Variants in ZNF618 observed in about 807,000 individuals in gnomAD.
The protein encoded by ZNF618 is zinc finger protein 618.
Under a neutral mutation model 103.0 loss-of-function variants are expected in ZNF618, and 34 were observed. The observed-to-expected ratio is 0.33, with a 90% confidence interval of 0.25 to 0.44. The LOEUF (loss-of-function observed/expected upper bound fraction) is 0.44. ZNF618 is among the 20% of genes least tolerant of loss of function. The probability of loss-of-function intolerance (pLI) is 1.00; values close to 1 mark genes in which losing one functional copy is unlikely to be tolerated. For missense variants in ZNF618, 1,059 were observed against 1,295.4 expected (o/e 0.82, Z 2.80); for synonymous variants, 551 against 542.2 (o/e 1.02, Z -0.23).
rs1846201804 is a variant in ZNF618 at position 114,052,564 on chromosome 9, A to G, written c.*2397A>G. 2 of 152,246 alleles carry G rather than the reference A, an allele frequency of 1.3e-5. No homozygotes were observed. The highest frequency in any genetic ancestry group is 2.1e-4 in the South Asian group (1 of 4,832). The allele number at this position is 152,246 out of a possible 1,614,324, so 9.4% of individuals were successfully genotyped here. A position where few individuals can be genotyped will look rare whatever the true frequency, so the allele number is the denominator to read the frequency against. On this transcript the variant is annotated 3_prime_UTR_variant, in exon 15 of 15. Transcript: ENST00000374126. ...AGGCATTCTGGAAGGTGGCCTCAGC[A>G]TCACTGATGATTGACAGATGCTACA...
rs2134770161 is a variant in ZNF618, at chr9:114,053,709, C to T, written c.*3542C>T. On this transcript the variant is annotated 3_prime_UTR_variant, in exon 15 of 15. Transcript: ENST00000374126. Reference sequence around the variant, plus strand: ...TACCATCTGGGCCACGGGTGGATGCCTTTGTTCTGGCACAGTTCTCCACTT... The same window carrying T: ...TACCATCTGGGCCACGGGTGGATGCTTTTGTTCTGGCACAGTTCTCCACTT... The T allele has an allele frequency of 3.9e-5, 6 of 152,342 alleles. 1 individual carries two copies. The highest frequency in any genetic ancestry group is 3.9e-4 in the Admixed American group (6 of 15,296). 9.4% of individuals were successfully genotyped at this position (152,342 alleles called of 1,614,324 possible). A position where few individuals can be genotyped will look rare whatever the true frequency, so the allele number is the denominator to read the frequency against.
chr9:114,028,758 G>T lies in ZNF618; in HGVS notation c.870G>T (p.Pro290=). 1 of 1,550,464 alleles carries T rather than the reference G, an allele frequency of 6.4e-7. No individual in the cohort carries two copies. The highest frequency in any genetic ancestry group is 8.7e-7 in the Non-Finnish European group (1 of 1,146,972). ...GTACTGCCCCCGGGTGGGAGCCACCGGATGATCCAGACACGGGCTCTGAGT... is the reference window on the plus strand; with the variant it reads ...GTACTGCCCCCGGGTGGGAGCCACCTGATGATCCAGACACGGGCTCTGAGT... ...PISTAPGWEP[P]DDPDTGSECS... Residue 290 remains proline, a synonymous_variant, in exon 11 of 15, where the codon CCG becomes CCT. Transcript: ENST00000374126.
intron 10 of ZNF618, among the ~76,000 whole-genome samples, chr9:114,018,863 T>G (rs1345816647): frequency 4.6e-5 from 7 of 152,196 alleles, no homozygotes; most frequent in African/African-American, 1.7e-4. Flanking sequence ...CATGAGAGAT[T>G]TAGCCTAGAT....
At chr9:113,920,697 A>T (rs1248470169) in intron 1 of ZNF618, among the ~76,000 whole-genome samples, 1 of 152,190 alleles carries the variant, frequency 6.6e-6, no homozygotes, top group Non-Finnish European at 1.5e-5. Context: ...CCACTGTGCG[A>T]GGCCAAGAGT....
At position 114,050,223 on chromosome 9, in the gene ZNF618, CACACA is replaced by C. The variant is rs1420786544; in HGVS notation, c.*61_*65del. The C allele has an allele frequency of 1.3e-6, 2 of 1,489,256 alleles. No individual in the cohort carries two copies. The highest frequency in any genetic ancestry group is 2.3e-5 in the Admixed American group (1 of 44,166). 92.3% of individuals were successfully genotyped at this position (1,489,256 alleles called of 1,614,324 possible). ...AGAGAAGATAACATTAGAAAAAAAC[CACACA>C]ACACTGTCACAAAGAAAAGGAATTT... On this transcript the variant is annotated 3_prime_UTR_variant, in exon 15 of 15. Coordinates refer to ENST00000374126, the MANE Select transcript of ZNF618 (RefSeq NM_001318042.2).
At chr9:114,019,971 T>G (rs1842942189) in intron 10 of ZNF618, among the ~76,000 whole-genome samples, 1 of 152,172 alleles carries the variant, frequency 6.6e-6, no homozygotes, top group Admixed American at 6.5e-5. Context: ...AGCCTTGTAA[T>G]TTTAGCTTTT....
chr9:113,964,989 C>CTTTT (rs1837247507), intron 1 of ZNF618, among the ~76,000 whole-genome samples: 1 of 122,064 alleles, frequency 8.2e-6, no homozygotes, highest in African/African-American at 3.2e-5. Flanking sequence ...TTTTTTTTTG[C>CTTTT]TTCATTCTGA....
intron 3 of ZNF618, among the ~76,000 whole-genome samples, chr9:113,990,806 T>C (rs892089510): frequency 2.0e-5 from 3 of 152,016 alleles, no homozygotes; most frequent in Admixed American, 6.6e-5. Flanking sequence ...CCAGGAATGT[T>C]TGGGGAGGCG....
At chr9:114,025,067 T>A (rs1413010807) in intron 10 of ZNF618, among the ~76,000 whole-genome samples, 1 of 152,196 alleles carries the variant, frequency 6.6e-6, no homozygotes, top group Non-Finnish European at 1.5e-5. Context: ...TGCACCACCT[T>A]TGTCCAGCTT....
intron 1 of ZNF618, among the ~76,000 whole-genome samples, chr9:113,896,715 G>A (rs1043937151): frequency 6.6e-6 from 1 of 151,906 alleles, no homozygotes; most frequent in Non-Finnish European, 1.5e-5. Flanking sequence ...GCCTGTTAAT[G>A]TCTTCTAATA....
chr9:114,016,781 A>G lies in ZNF618; in HGVS notation c.841A>G (p.Ile281Val), dbSNP rs748789813. The G allele has an allele frequency of 5.6e-6, 9 of 1,612,164 alleles. No homozygotes were observed. Among genetic ancestry groups the G allele is most frequent in the Non-Finnish European group, 4.2e-6 (5 of 1,179,040 alleles). The change falls in exon 10 of 15, where the codon ATC (isoleucine) becomes GTC (valine). Residue 281 changes from isoleucine to valine, a missense_variant. Ile to Val is a conservative substitution (Grantham distance 29, BLOSUM62 3). Transcript: ENST00000374126. ...YQEHVALHAPISTAPGWEPPD... is the reference protein window; with the variant it reads ...YQEHVALHAPVSTAPGWEPPD... Reference sequence around the variant, plus strand: ...GGAGCATGTGGCCTTACACGCCCCCATCAGTGAGTACCTCCTCCCGGTAGG... The same window carrying G: ...GGAGCATGTGGCCTTACACGCCCCCGTCAGTGAGTACCTCCTCCCGGTAGG...
chr9:113,887,114 C>A (rs937974447), intron 1 of ZNF618, among the ~76,000 whole-genome samples: 1 of 151,494 alleles, frequency 6.6e-6, no homozygotes, highest in African/African-American at 2.4e-5. Context: ...AAGTGGAACC[C>A]CGGAGAGGGC....
rs1845885586 is a variant in ZNF618, at chr9:114,048,795, C to T, written c.1493C>T (p.Thr498Ile). The change falls in exon 15 of 15, where the codon ACC (threonine) becomes ATC (isoleucine). Residue 498 changes from threonine (T) to isoleucine (I), a missense_variant. Transcript: ENST00000374126. ...SGKEFLKLAQTLVDSGARYGA... is the reference protein window; with the variant it reads ...SGKEFLKLAQILVDSGARYGA... ...AAGGAGTTCCTGAAGTTGGCCCAGA[C>T]CTTAGTAGACAGTGGTGCCCGCTAT... is the stretch of plus-strand genomic sequence containing the variant. 6.2e-7 allele frequency: 1 copy of T among 1,613,884 alleles called. No homozygotes were observed. The highest frequency in any genetic ancestry group is 1.7e-5 in the Admixed American group (1 of 60,002).
At chr9:113,937,195 C>T (rs890479041) in intron 1 of ZNF618, among the ~76,000 whole-genome samples, 11 of 152,218 alleles carry the variant, frequency 7.2e-5, no homozygotes, top group Non-Finnish European at 1.3e-4. Flanking sequence ...CCTTCACCCA[C>T]ATTCCTCAAA....
intron 12 of ZNF618, 68 bp downstream of exon 12, chr9:114,032,796 C>A: frequency 7.1e-7 from 1 of 1,401,072 alleles, no homozygotes; most frequent in Non-Finnish European, 1.0e-6. Context: ...CCCTGGCAGC[C>A]GCGGCAGCAT....
At chr9:114,038,814 G>C (rs914815260) in intron 13 of ZNF618, among the ~76,000 whole-genome samples, 1 of 152,192 alleles carries the variant, frequency 6.6e-6, no homozygotes, top group Non-Finnish European at 1.5e-5. Flanking sequence ...CCATTATGCA[G>C]ATGATGAAAC....
chr9:113,998,690 G>C (rs552207858), intron 4 of ZNF618, among the ~76,000 whole-genome samples: 1 of 152,238 alleles, frequency 6.6e-6, no homozygotes, highest in African/African-American at 2.4e-5. Flanking sequence ...GGAGACCCTG[G>C]GTTAAACAGT....
intron 1 of ZNF618, among the ~76,000 whole-genome samples, chr9:113,950,290 C>T (rs1370415085): frequency 6.6e-6 from 1 of 152,184 alleles, no homozygotes; most frequent in Non-Finnish European, 1.5e-5. Context: ...AGTTGACACC[C>T]CCACCTCTGT....
chr9:114,040,333 CTTTCT>C (rs775956818), intron 13 of ZNF618, among the ~76,000 whole-genome samples: 146 of 141,268 alleles, frequency 1.0e-3, no homozygotes, highest in Non-Finnish European at 2.0e-3. Flanking sequence ...TACTTGTTTT[CTTTCT>C]TTTTTTTTTT....
Sources: gnomAD v4.1 joint callset for allele counts (sites outside exome capture counted in the v4.1 genomes callset) on GRCh38, gnomAD v4.1.1 for gene constraint, MANE v1.5 for transcripts, NCBI Gene and HGNC (gene_info 2026-07-23, HGNC 2026-07-21) for gene names.